KRABD5: variants seen among roughly 807,000 people sequenced by gnomAD.
The protein encoded by KRABD5 is KRAB domain containing 5.
chr16:31,755,759 A>G, the KRABD5 span: 1 of 356,344 alleles, frequency 2.8e-6, no homozygotes, highest in South Asian at 2.2e-5. Flanking sequence ...AAAATTTAGA[A>G]CTTAAAAATC....
the KRABD5 span, chr16:31,733,737 A>C: frequency 2.4e-6 from 1 of 417,244 alleles, no homozygotes; most frequent in Non-Finnish European, 4.9e-6. Context: ...TCTGATTTTT[A>C]AGGCTCAGTA....
chr16:31,713,994 G>A, the KRABD5 span, among the ~76,000 whole-genome samples: 113 of 152,328 alleles, frequency 7.4e-4, no homozygotes, highest in Non-Finnish European at 1.2e-3. Context: ...CACTTTGGCT[G>A]TAGAAAACGA....
At chr16:31,733,495 C>A in the KRABD5 span, 1 of 456,004 alleles carries the variant, frequency 2.2e-6, no homozygotes, top group Non-Finnish European at 4.4e-6. Context: ...GTTTGTAGAT[C>A]ATTTTTATTT....
chr16:31,732,572 C>T, the KRABD5 span, among the ~76,000 whole-genome samples: 2 of 152,090 alleles, frequency 1.3e-5, no homozygotes, highest in African/African-American at 2.4e-5. Flanking sequence ...ATAATGTAAT[C>T]CCAAATACTG....
the KRABD5 span, chr16:31,733,587 G>A: frequency 2.2e-6 from 1 of 456,168 alleles, no homozygotes; most frequent in South Asian, 1.5e-5. Context: ...GCACCATTCT[G>A]CCTAATGTTT....
At chr16:31,758,830 A>G in the KRABD5 span, 2 of 152,044 alleles carry the variant, frequency 1.3e-5, no homozygotes, top group Non-Finnish European at 2.9e-5. Context: ...TCTACCATCT[A>G]ATATTTATTA....
chr16:31,721,232 T>C, the KRABD5 span, among the ~76,000 whole-genome samples: 1 of 152,148 alleles, frequency 6.6e-6, no homozygotes, highest in Non-Finnish European at 1.5e-5. Flanking sequence ...TATTTCTTAA[T>C]TAAGAAATGT....
the KRABD5 span, chr16:31,753,619 A>C: frequency 2.7e-6 from 2 of 742,804 alleles, no homozygotes; most frequent in Non-Finnish European, 2.1e-6. Flanking sequence ...TTAAGTTCAT[A>C]TATCAATTGA....
the KRABD5 span, among the ~76,000 whole-genome samples, chr16:31,740,632 AT>A: frequency 1.9e-4 from 28 of 146,640 alleles, no homozygotes; most frequent in Admixed American, 3.4e-4. Flanking sequence ...TGCGTCTAAG[AT>A]TTTTTTTTTT....
the KRABD5 span, among the ~76,000 whole-genome samples, chr16:31,720,722 A>G: frequency 6.6e-6 from 1 of 152,216 alleles, no homozygotes; most frequent in African/African-American, 2.4e-5. Context: ...GCTCTCTGCC[A>G]GATTCCTTCA....
At chr16:31,716,997 G>GTTTTTTTTTTTTTT in the KRABD5 span, among the ~76,000 whole-genome samples, 3 of 81,166 alleles carry the variant, frequency 3.7e-5, no homozygotes, top group Non-Finnish European at 6.9e-5. Flanking sequence ...GTCAGTCTTT[G>GTTTTTTTTTTTTTT]TTTTTTTTTT....
the KRABD5 span, chr16:31,757,882 A>G: frequency 3.9e-5 from 6 of 152,046 alleles, no homozygotes; most frequent in African/African-American, 9.7e-5. Context: ...AGATAGATAG[A>G]TAGATAGATA....
chr16:31,734,067 G>C, the KRABD5 span, among the ~76,000 whole-genome samples: 2 of 151,986 alleles, frequency 1.3e-5, no homozygotes, highest in South Asian at 2.1e-4. Context: ...TTATGTTTAA[G>C]TTTTAGTTTG....
chr16:31,713,280 G>C, the KRABD5 span: 1 of 1,055,212 alleles, frequency 9.5e-7, no homozygotes, highest in African/African-American at 1.6e-5. Context: ...TGCAGTAAGA[G>C]CTCAGTCTCT....
At chr16:31,753,630 G>A in the KRABD5 span, 3 of 856,776 alleles carry the variant, frequency 3.5e-6, no homozygotes, top group Non-Finnish European at 5.1e-6. Context: ...TATCAATTGA[G>A]AAAACAAAGG....
At chr16:31,754,826 C>A in the KRABD5 span, 1 of 469,440 alleles carries the variant, frequency 2.1e-6, no homozygotes, top group African/African-American at 2.0e-5. Flanking sequence ...AGCCTTTAAC[C>A]ATCGTTCACA....
chr16:31,753,649 G>A, the KRABD5 span: 13 of 1,032,204 alleles, frequency 1.3e-5, no homozygotes, highest in Admixed American at 2.6e-4. Flanking sequence ...GGGGCCTCAA[G>A]TTTTTGATTC....
At chr16:31,716,971 C>CTTTTGTCT in the KRABD5 span, among the ~76,000 whole-genome samples, 7 of 140,536 alleles carry the variant, frequency 5.0e-5, no homozygotes, top group African/African-American at 1.6e-4. Flanking sequence ...CTAAACAGAT[C>CTTTTGTCT]TTTTGTCTTT....
chr16:31,734,787 C>G, the KRABD5 span, among the ~76,000 whole-genome samples: 1 of 150,974 alleles, frequency 6.6e-6, no homozygotes, highest in Non-Finnish European at 1.5e-5. Flanking sequence ...TGCTCTGTTG[C>G]CCAGGCTGGA....
Sources: gnomAD v4.1 joint callset for allele counts (sites outside exome capture counted in the v4.1 genomes callset) on GRCh38, gnomAD v4.1.1 for gene constraint, MANE v1.5 for transcripts, NCBI Gene and HGNC (gene_info 2026-07-23, HGNC 2026-07-21) for gene names.